The following CAD variants were observed in gnomAD, a reference collection of about 807,000 sequenced individuals.
CAD encodes the protein carbamoyl-phosphate synthetase 2, aspartate transcarbamylase, and dihydroorotase, also known as multifunctional protein CAD.
A neutral mutation model predicts 237.2 loss-of-function variants in CAD; 81 were observed. The observed-to-expected ratio is 0.34, with a 90% CI of 0.29 to 0.41. The LOEUF (loss-of-function observed/expected upper bound fraction) is 0.41, where lower values mean the gene tolerates loss of function less well. Ranked by LOEUF, CAD falls within the 10% of genes least tolerant of loss-of-function variation. CAD has a pLI of 1.00. For synonymous variants in CAD, 1,196 were observed against 1,162.8 expected (o/e 1.03, Z -0.58); for missense variants, 2,181 against 2,951.7 (o/e 0.74, Z 6.05).
In CAD at chr2:27,243,900, T is replaced by C; in HGVS notation, c.*382T>C. On this transcript the variant is annotated 3_prime_UTR_variant, in exon 44 of 44. Coordinates refer to ENST00000264705, the MANE Select transcript of CAD (RefSeq NM_004341.5). ...TAGGGCTGCGTGCCCACACTCGGCA[T>C]TTTCACACTCGTGACTCTTTGGGAC... The C allele has an allele frequency of 4.9e-6, 1 of 202,624 alleles. No homozygotes were observed. Among genetic ancestry groups the C allele is most frequent in the African/African-American group, 2.3e-5 (1 of 43,088 alleles). The allele number at this position is 202,624 out of a possible 1,614,324, so 12.6% of individuals were successfully genotyped here.
chr2:27,241,509 CT>C lies in CAD; in HGVS notation c.5883+115del. On this transcript the variant is annotated intron_variant, in intron 38 of 43. Coordinates refer to ENST00000264705, the MANE Select transcript of CAD (RefSeq NM_004341.5). This position sits in a 1 kb window ranked among gnomAD's most constrained non-coding sequence, Gnocchi z 4.6. ...CTTCCTCCCCCTGCCATCCCGTCCC[CT>C]TATGCTAGTCCATCCCTCTGCTGCT... 2 of 975,400 alleles carry C rather than the reference CT, an allele frequency of 2.1e-6. No homozygotes were observed. Among genetic ancestry groups the C allele is most frequent in the Non-Finnish European group, 1.6e-6 (1 of 616,978 alleles). 60.4% of individuals were successfully genotyped at this position (975,400 alleles called of 1,614,324 possible).
rs755039119 is a variant in CAD, at chr2:27,242,881, G to C, written c.6388G>C (p.Glu2130Gln). ...TCTCCTCACCCTCCAGGAGGAATTC[G>C]AGAGCATTGAGGAGGCGCTGCCTGA... is the stretch of plus-strand genomic sequence containing the variant. The part of the protein sequence containing the change: ...ASRGTKQEEF[E>Q]SIEEALPDTD... Residue 2130 changes from glutamate to glutamine, a missense_variant, in exon 42 of 44, where the codon GAG (glutamate) becomes CAG (glutamine). Glu to Gln is a conservative substitution (Grantham distance 29, BLOSUM62 2). This residue lies in a region of CAD where 170 missense variants were observed against 212.1 expected (regional missense o/e 0.80). Transcript: ENST00000264705. This position sits in a 1 kb window ranked among gnomAD's most constrained non-coding sequence, Gnocchi z 6.4. 2 of 1,614,168 alleles carry C rather than the reference G, an allele frequency of 1.2e-6. No individual in the cohort carries two copies. The highest frequency in any genetic ancestry group is 1.7e-6 in the Non-Finnish European group (2 of 1,179,998).
At position 27,236,969 on chromosome 2, in the gene CAD, C is replaced by T. The variant is rs1676042631; in HGVS notation, c.4396+139C>T. The T allele has an allele frequency of 1.4e-6, 1 of 719,944 alleles. No homozygotes were observed. The highest frequency in any genetic ancestry group is 2.6e-5 in the East Asian group (1 of 38,950). 44.6% of individuals were successfully genotyped at this position (719,944 alleles called of 1,614,324 possible). ...TGTGAAGACCCCAGAATGTTTCTCA[C>T]TCTTTCATTCCTTAATCCACAGTGT... On this transcript the variant is annotated intron_variant, in intron 27 of 43. Transcript: ENST00000264705. This position sits in a 1 kb window ranked among gnomAD's most constrained non-coding sequence, Gnocchi z 4.1.
chr2:27,221,393 T>C (rs1341744468), intron 3 of CAD, 46 bp downstream of exon 3: 1 of 1,443,018 alleles, frequency 6.9e-7, no homozygotes, highest in Admixed American at 2.3e-5. Context: ...ACAGCATGCC[T>C]GGATGGAAAG....
At position 27,240,362 on chromosome 2, in the gene CAD, G is replaced by A; in HGVS notation, c.5593+1G>A. On this transcript the variant is annotated splice_donor_variant, in intron 35 of 43. Coordinates refer to ENST00000264705, the MANE Select transcript of CAD (RefSeq NM_004341.5). LOFTEE classifies it high-confidence loss of function. This position sits in a 1 kb window ranked among gnomAD's most constrained non-coding sequence, Gnocchi z 4.6. ...CGAGCCTCCGACCCAGGTTTGCCAG[G>A]TAAGAGTGGGGTTCCTGTGACTCAG... 2 of 1,613,886 alleles carry A rather than the reference G, an allele frequency of 1.2e-6. No homozygotes were observed. The highest frequency in any genetic ancestry group is 8.5e-7 in the Non-Finnish European group (1 of 1,179,790).
chr2:27,232,901 G>T lies in CAD; in HGVS notation c.2893-141G>T, dbSNP rs923644119. The T allele has an allele frequency of 1.3e-6, 1 of 786,312 alleles. No individual in the cohort carries two copies. The highest frequency in any genetic ancestry group is 1.7e-5 in the African/African-American group (1 of 58,404). The allele number at this position is 786,312 out of a possible 1,614,324, so 48.7% of individuals were successfully genotyped here. A position where few individuals can be genotyped will look rare whatever the true frequency, so the allele number is the denominator to read the frequency against. ...CACTTTGTACCTCCTTCCCTCCCAA[G>T]GCAGGGGTCCTGTACAGCTCTTTCA... On this transcript the variant is annotated intron_variant, in intron 18 of 43. Transcript: ENST00000264705. The surrounding 1 kb of genome is among the most constrained non-coding windows in gnomAD (Gnocchi z 4.1).
Position 27,231,549 on chromosome 2 carries a change from T to C in CAD, c.2369T>C (p.Phe790Ser). The C allele has an allele frequency of 6.2e-7, 1 of 1,612,750 alleles. No individual in the cohort carries two copies. Among genetic ancestry groups the C allele is most frequent in the Non-Finnish European group, 8.5e-7 (1 of 1,178,730 alleles). The change falls in exon 16 of 44, where the codon TTT becomes TCT. Residue 790 changes from phenylalanine to serine, a missense_variant. Physicochemically the swap from Phe to Ser is radical, Grantham distance 155. This residue lies in a region of CAD where 385 missense variants were observed against 535.1 expected (regional missense o/e 0.72). Transcript: ENST00000264705. ...ATGGTGGATGAGAACTGTGTGGGCTTTGATCACACAGTGAAACCAGTCAGC... is the reference window on the plus strand; with the variant it reads ...ATGGTGGATGAGAACTGTGTGGGCTCTGATCACACAGTGAAACCAGTCAGC... The part of the protein sequence containing the change: ...LRMVDENCVG[F>S]DHTVKPVSDM...
Position 27,235,727 on chromosome 2 carries a change from C to A in CAD, c.4074+87C>A. The A allele has an allele frequency of 3.6e-6, 4 of 1,123,222 alleles. No individual in the cohort carries two copies. Among genetic ancestry groups the A allele is most frequent in the Non-Finnish European group, 5.3e-6 (4 of 758,208 alleles). 69.6% of individuals were successfully genotyped at this position (1,123,222 alleles called of 1,614,324 possible). A position where few individuals can be genotyped will look rare whatever the true frequency, so the allele number is the denominator to read the frequency against. On this transcript the variant is annotated intron_variant, in intron 25 of 43. Coordinates refer to ENST00000264705, the MANE Select transcript of CAD (RefSeq NM_004341.5). This position sits in a 1 kb window ranked among gnomAD's most constrained non-coding sequence, Gnocchi z 5.2. The stretch of plus-strand genomic sequence containing the variant: ...ACCAAAGAATTATCTGGGCTGGGCA[C>A]GGTGGCATATACCTGTAGTCCCAGA...
At chr2:27,224,595 G>A (rs931301550) in intron 9 of CAD, 105 bp downstream of exon 9, 1 of 1,550,776 alleles carries the variant, frequency 6.4e-7, no homozygotes, top group Non-Finnish European at 8.8e-7. Flanking sequence ...ACCAGATTTG[G>A]GGAATGTAGA....
chr2:27,242,383 ATCT>A lies in CAD; in HGVS notation c.6181_6183del (p.Phe2061del). 6.2e-7 allele frequency: 1 copy of A among 1,614,054 alleles called. No individual in the cohort carries two copies. The highest frequency in any genetic ancestry group is 8.5e-7 in the Non-Finnish European group (1 of 1,179,982). On this transcript the variant is annotated inframe_deletion, in exon 40 of 44. Transcript: ENST00000264705. This position sits in a 1 kb window ranked among gnomAD's most constrained non-coding sequence, Gnocchi z 6.4. Reference sequence around the variant, plus strand: ...GCACCCCACCCAGGCCCTGCTGGACATCTTCACCATCCGTGAGGAGCTGGGAAC... The same window carrying A: ...GCACCCCACCCAGGCCCTGCTGGACATCACCATCCGTGAGGAGCTGGGAAC...
intron 3 of CAD, 127 bp downstream of exon 3, chr2:27,221,474 TGGGCTG>T: frequency 1.1e-6 from 1 of 909,056 alleles, no homozygotes; most frequent in Non-Finnish European, 1.5e-6. Flanking sequence ...AGATTGGAGT[TGGGCTG>T]GGAGAAAGAA....
At position 27,243,895 on chromosome 2, in the gene CAD, C is replaced by G. The variant is rs368566018; in HGVS notation, c.*377C>G. The stretch of plus-strand genomic sequence containing the variant: ...CTGGCTAGGGCTGCGTGCCCACACT[C>G]GGCATTTTCACACTCGTGACTCTTT... On this transcript the variant is annotated 3_prime_UTR_variant, in exon 44 of 44. Coordinates refer to ENST00000264705, the MANE Select transcript of CAD (RefSeq NM_004341.5). 1.8e-4 allele frequency: 36 copies of G among 202,512 alleles called. No homozygotes were observed. Among genetic ancestry groups the G allele is most frequent in the Non-Finnish European group, 3.3e-4 (33 of 98,930 alleles). 12.5% of individuals were successfully genotyped at this position (202,512 alleles called of 1,614,324 possible). A position where few individuals can be genotyped will look rare whatever the true frequency, so the allele number is the denominator to read the frequency against.
In CAD at chr2:27,241,390, C is replaced by T. The variant is rs1676308022; in HGVS notation, c.5877C>T (p.Ile1959=). 6.2e-7 allele frequency: 1 copy of T among 1,614,162 alleles called. No individual in the cohort carries two copies. The highest frequency in any genetic ancestry group is 1.1e-5 in the South Asian group (1 of 91,084). Residue 1959 remains isoleucine, a synonymous_variant, in exon 38 of 44, where the codon ATC becomes ATT. Coordinates refer to ENST00000264705, the MANE Select transcript of CAD (RefSeq NM_004341.5). This position sits in a 1 kb window ranked among gnomAD's most constrained non-coding sequence, Gnocchi z 4.6. ...TGCAGAAGGAGCGGAGCCTCGACAT[C>T]CTGAAGGTCAGGATCAGGGCCGGGG... The part of the protein sequence containing the change: ...MMVQKERSLD[I]LKGKVMASMF...
At position 27,228,866 on chromosome 2, in the gene CAD, C is replaced by T. The variant is rs527325916; in HGVS notation, c.2287+1904C>T. Among the ~76,000 whole-genome samples the T allele has an allele frequency of 7.2e-5, 11 of 151,784 alleles. No homozygotes were observed. The South Asian group carries it at 2.1e-3, about 29-fold the overall frequency. On this transcript the variant is annotated intron_variant, in intron 15 of 43. Transcript: ENST00000264705. Reference sequence around the variant, plus strand: ...TTGGCCTCCCAAAGTGCTGGGATTACAGGCCACTGTGCCTGGCCGAGACCC... The same window carrying T: ...TTGGCCTCCCAAAGTGCTGGGATTATAGGCCACTGTGCCTGGCCGAGACCC...
Position 27,243,693 on chromosome 2 carries a change from G to A in CAD, c.*175G>A, listed in dbSNP as rs1676447332. ...CTGGCATGGGGGTGGGGCCTCAGAT[G>A]CTGGGGCCCAGTCTGCCCCATCTTC... On this transcript the variant is annotated 3_prime_UTR_variant, in exon 44 of 44. Transcript: ENST00000264705. The A allele has an allele frequency of 1.6e-6, 1 of 610,946 alleles. No individual in the cohort carries two copies. The highest frequency in any genetic ancestry group is 2.0e-5 in the South Asian group (1 of 49,632). The allele number at this position is 610,946 out of a possible 1,614,324, so 37.8% of individuals were successfully genotyped here. A position where few individuals can be genotyped will look rare whatever the true frequency, so the allele number is the denominator to read the frequency against.
In CAD at chr2:27,237,287, G is replaced by A; in HGVS notation, c.4397-92G>A. ...GATCTGCCCACCTCGGCCTCCCAAA[G>A]TGCTAGGATTACAGGCGTGAGCCAC... On this transcript the variant is annotated intron_variant, in intron 27 of 43. Transcript: ENST00000264705. The surrounding 1 kb of genome is among the most constrained non-coding windows in gnomAD (Gnocchi z 4.0). 1 of 1,384,954 alleles carries A rather than the reference G, an allele frequency of 7.2e-7. No individual in the cohort carries two copies. Among genetic ancestry groups the A allele is most frequent in the East Asian group, 2.3e-5 (1 of 43,588 alleles). The allele number at this position is 1,384,954 out of a possible 1,614,324, so 85.8% of individuals were successfully genotyped here. A position where few individuals can be genotyped will look rare whatever the true frequency, so the allele number is the denominator to read the frequency against.
rs1176643988 is a variant in CAD, at chr2:27,233,080, G to A, written c.2931G>A (p.Glu977=). The change falls in exon 19 of 44, where the codon GAG becomes GAA. Residue 977 remains glutamate, a synonymous_variant. Coordinates refer to ENST00000264705, the MANE Select transcript of CAD (RefSeq NM_004341.5). This position sits in a 1 kb window ranked among gnomAD's most constrained non-coding sequence, Gnocchi z 6.3. ...YKTIMVNYNP[E]TVSTDYDMCD... ...CCATCATGGTGAACTATAACCCAGA[G>A]ACAGTCAGCACCGACTATGACATGT... The A allele has an allele frequency of 1.2e-6, 2 of 1,613,588 alleles. No homozygotes were observed. Among genetic ancestry groups the A allele is most frequent in the Non-Finnish European group, 1.7e-6 (2 of 1,179,588 alleles).
Position 27,239,072 on chromosome 2 carries a change from C to A in CAD, c.5093C>A (p.Ser1698Tyr). ...CATACCTTGGAGGAGAAGTGTGGGTCCAGGCCCCCACCTGGGTTCCCAGGG... is the reference window on the plus strand; with the variant it reads ...CATACCTTGGAGGAGAAGTGTGGGTACAGGCCCCCACCTGGGTTCCCAGGG... Reference protein sequence around the residue: ...APHTLEEKCGSRPPPGFPGLE... With the variant: ...APHTLEEKCGYRPPPGFPGLE... The change falls in exon 32 of 44, where the codon TCC (serine) becomes TAC (tyrosine). Residue 1698 changes from serine (S) to tyrosine (Y), a missense_variant. By Grantham distance (144) the Ser-to-Tyr change is moderately radical. Around this residue, in one of 12 missense-constraint regions of CAD, gnomAD observed 478 missense variants for 515.0 expected, o/e 0.93. Transcript: ENST00000264705. This position sits in a 1 kb window ranked among gnomAD's most constrained non-coding sequence, Gnocchi z 4.0. 6.3e-7 allele frequency: 1 copy of A among 1,589,598 alleles called. No individual in the cohort carries two copies. Among genetic ancestry groups the A allele is most frequent in the Admixed American group, 1.8e-5 (1 of 55,912 alleles).
In CAD at chr2:27,239,533, C is replaced by G. The variant is rs1466914581; in HGVS notation, c.5394+62C>G. On this transcript the variant is annotated intron_variant, in intron 33 of 43. Transcript: ENST00000264705. This position sits in a 1 kb window ranked among gnomAD's most constrained non-coding sequence, Gnocchi z 4.0. Reference sequence around the variant, plus strand: ...CTCTTCTGCACCACGTTCATTTCTTCCCTTCCCAGCACATCTACACTGTCC... The same window carrying G: ...CTCTTCTGCACCACGTTCATTTCTTGCCTTCCCAGCACATCTACACTGTCC... 2 of 1,584,982 alleles carry G rather than the reference C, an allele frequency of 1.3e-6. No individual in the cohort carries two copies.
Sources: allele counts gnomAD v4.1 joint callset (sites outside exome capture counted in the v4.1 genomes callset), GRCh38; gene constraint gnomAD v4.1.1; regional missense constraint gnomAD v4.1.1; non-coding constraint Gnocchi (gnomAD v3.1); transcripts MANE v1.5; gene names NCBI Gene and HGNC (gene_info 2026-07-23, HGNC 2026-07-21).